The following KIAA2012 variants were observed in gnomAD, a reference collection of about 807,000 sequenced individuals.
KIAA2012 encodes uncharacterized protein KIAA2012.
In KIAA2012, 125 loss-of-function variants were observed where a neutral mutation model predicts 150.6. The ratio of observed to expected loss-of-function variants is 0.83; its 90% confidence interval spans 0.72 to 0.96. The LOEUF (loss-of-function observed/expected upper bound fraction) is 0.96, where lower values mean the gene tolerates loss of function less well. Ranked by LOEUF, KIAA2012 falls within the 40% of genes least tolerant of loss-of-function variation. The pLI is 0.00. For synonymous variants in KIAA2012, 462 were observed against 504.7 expected (o/e 0.92, Z 1.13); for missense variants, 1,219 against 1,354.9 (o/e 0.90, Z 1.57).
intron 15 of KIAA2012, among the ~76,000 whole-genome samples, chr2:202,175,002 A>G (rs1423136778): frequency 6.6e-6 from 1 of 152,220 alleles, no homozygotes; most frequent in Non-Finnish European, 1.5e-5. Context: ...AAATTGTCCC[A>G]TAATTATTAT....
intron 12 of KIAA2012, among the ~76,000 whole-genome samples, chr2:202,128,781 A>G (rs1036044841): frequency 6.6e-6 from 1 of 151,518 alleles, no homozygotes; most frequent in Non-Finnish European, 1.5e-5. Context: ...CCACAGGAAA[A>G]TGCATTCCAC....
intron 2 of KIAA2012, among the ~76,000 whole-genome samples, chr2:202,081,921 G>A (rs1482762188): frequency 6.6e-6 from 1 of 152,118 alleles, no homozygotes; most frequent in East Asian, 1.9e-4. Flanking sequence ...TCACATGCAT[G>A]TGTGAATGTG....
intron 15 of KIAA2012, among the ~76,000 whole-genome samples, chr2:202,177,410 T>G (rs773099748): frequency 1.3e-5 from 2 of 152,148 alleles, no homozygotes; most frequent in African/African-American, 2.4e-5. Flanking sequence ...ACAGAATGCC[T>G]GAGATTGGGT....
intron 2 of KIAA2012, among the ~76,000 whole-genome samples, chr2:202,079,717 G>T (rs978784163): frequency 9.2e-5 from 14 of 152,120 alleles, no homozygotes; most frequent in Admixed American, 7.9e-4. Flanking sequence ...TTGGTTTTTT[G>T]TTGTTGTTGT....
intron 12 of KIAA2012, among the ~76,000 whole-genome samples, chr2:202,126,713 G>T (rs1690800233): frequency 6.6e-6 from 1 of 152,058 alleles, no homozygotes; most frequent in Non-Finnish European, 1.5e-5. Context: ...TGAGTGCTTT[G>T]CATTCATTAT....
chr2:202,120,047 C>T (rs1690621450), intron 11 of KIAA2012, among the ~76,000 whole-genome samples: 1 of 152,212 alleles, frequency 6.6e-6, no homozygotes, highest in Non-Finnish European at 1.5e-5. Flanking sequence ...ATGTGACTTA[C>T]TCCTCCTTGC....
Position 202,186,963 on chromosome 2 carries a change from CA to C in KIAA2012, c.2242del (p.Arg748GlufsTer14), listed in dbSNP as rs1304980627. 1 of 1,550,620 alleles carries C rather than the reference CA, an allele frequency of 6.4e-7. No homozygotes were observed. Among genetic ancestry groups the C allele is most frequent in the Non-Finnish European group, 8.7e-7 (1 of 1,146,992 alleles). On this transcript the variant is annotated frameshift_variant, in exon 17 of 24. Transcript: ENST00000498697. LOFTEE classifies it high-confidence loss of function. ...GRDYDVHHLH[R>X]GLLGYGPESP... ...GAGATTATGATGTACACCACCTACA[CA>C]GAGGACTTCTGGGATACGGGCCTGA...
chr2:202,152,557 T>C (rs1691449734), intron 13 of KIAA2012, among the ~76,000 whole-genome samples: 1 of 152,230 alleles, frequency 6.6e-6, no homozygotes, highest in Non-Finnish European at 1.5e-5. Flanking sequence ...TATTATTCTA[T>C]CCAGTGATTC....
At chr2:202,154,371 G>C (rs932372862) in intron 13 of KIAA2012, among the ~76,000 whole-genome samples, 1 of 152,160 alleles carries the variant, frequency 6.6e-6, no homozygotes, top group African/African-American at 2.4e-5. Context: ...CTGGTTTCCT[G>C]TCTGTATAAT....
intron 13 of KIAA2012, among the ~76,000 whole-genome samples, chr2:202,144,724 G>A (rs1691263382): frequency 6.6e-6 from 1 of 152,154 alleles, no homozygotes; most frequent in Non-Finnish European, 1.5e-5. Context: ...GGGCACAGTG[G>A]CTCACACCTG....
chr2:202,197,082 C>G, intron 22 of KIAA2012, 63 bp downstream of exon 22: 2 of 1,546,280 alleles, frequency 1.3e-6, no homozygotes, highest in Non-Finnish European at 1.7e-6. Context: ...CTGTCCAGTG[C>G]TAGTGCTAGC....
chr2:202,194,463 G>A, intron 21 of KIAA2012, 101 bp downstream of exon 21: 2 of 1,221,908 alleles, frequency 1.6e-6, no homozygotes, highest in Admixed American at 2.7e-5. Context: ...AGGCCTTAGT[G>A]TGTTAAGCAC....
intron 17 of KIAA2012, among the ~76,000 whole-genome samples, chr2:202,187,914 G>A (rs866721762): frequency 1.6e-4 from 24 of 152,278 alleles, no homozygotes; most frequent in Middle Eastern, 3.4e-3. Context: ...GACCATAAGT[G>A]TTTTTTCTTC....
intron 15 of KIAA2012, among the ~76,000 whole-genome samples, chr2:202,171,225 C>G (rs1691883713): frequency 6.6e-6 from 1 of 151,200 alleles, no homozygotes; most frequent in South Asian, 2.1e-4. Flanking sequence ...ACACACACAC[C>G]CCAACTAGAG....
At chr2:202,143,502 GT>G (rs1280713213) in intron 13 of KIAA2012, among the ~76,000 whole-genome samples, 3 of 149,082 alleles carry the variant, frequency 2.0e-5, no homozygotes. Flanking sequence ...AAAAAGTGCT[GT>G]CATGCTAACT....
At chr2:202,089,866 G>A (rs892705027) in intron 2 of KIAA2012, among the ~76,000 whole-genome samples, 1 of 152,152 alleles carries the variant, frequency 6.6e-6, no homozygotes, top group African/African-American at 2.4e-5. Flanking sequence ...ATATACAATT[G>A]TCAATATTTA....
chr2:202,110,985 C>T lies in KIAA2012; in HGVS notation c.1651+1196C>T, dbSNP rs540150706. 1.1e-3 allele frequency among the ~76,000 whole-genome samples: 164 copies of T among 152,288 alleles called. 1 individual carries two copies. The highest frequency in any genetic ancestry group is 3.7e-3 in the African/African-American group (155 of 41,562). On this transcript the variant is annotated intron_variant, in intron 10 of 23. Coordinates refer to ENST00000498697, the MANE Select transcript of KIAA2012 (RefSeq NM_001277372.4). ...AGAGACGTTGTTTTCACCTAGAAAC[C>T]GTTCCAGGGTTGGAACTTCTCTTTC...
chr2:202,132,393 G>A (rs1222068130), intron 12 of KIAA2012, among the ~76,000 whole-genome samples: 1 of 151,872 alleles, frequency 6.6e-6, no homozygotes, highest in African/African-American at 2.4e-5. Context: ...CTGGCCAGTT[G>A]TGGTAGCTCA....
intron 17 of KIAA2012, 115 bp from the exon 18 acceptor site, chr2:202,188,037 C>G (rs1446779510): frequency 1.3e-6 from 1 of 788,886 alleles, no homozygotes; most frequent in Non-Finnish European, 2.0e-6. Flanking sequence ...TACCTGGAAC[C>G]CACACAAATT....
Sources: gnomAD v4.1 joint callset for allele counts (sites outside exome capture counted in the v4.1 genomes callset) on GRCh38, gnomAD v4.1.1 for gene constraint, MANE v1.5 for transcripts, NCBI Gene and HGNC (gene_info 2026-07-23, HGNC 2026-07-21) for gene names.